Variants in NCAPG2 observed in about 807,000 individuals in gnomAD.
NCAPG2 encodes the protein condensin-2 complex subunit G2.
NCAPG2 carries 53 observed loss-of-function variants against 141.1 expected under a neutral mutation model. The observed-to-expected ratio is 0.38, with a 90% CI of 0.30 to 0.47. NCAPG2 has a LOEUF of 0.47. Among genes scored for constraint, NCAPG2 ranks in the 20% least tolerant of loss-of-function variants. NCAPG2 has a pLI of 0.99. For synonymous variants in NCAPG2, 499 were observed against 490.7 expected (o/e 1.02, Z -0.22); for missense variants, 1,087 against 1,389.0 (o/e 0.78, Z 3.46).
chr7:158,647,668 T>C (rs1320866269), intron 24 of NCAPG2, among the ~76,000 whole-genome samples: 2 of 152,052 alleles, frequency 1.3e-5, no homozygotes, highest in African/African-American at 2.4e-5. Context: ...TCTTAGGAGA[T>C]TTCATTTAGG....
chr7:158,703,828 T>C (rs1346617488), intron 1 of NCAPG2: 1 of 152,596 alleles, frequency 6.6e-6, no homozygotes, highest in Non-Finnish European at 1.5e-5. Flanking sequence ...GCAACAAGAG[T>C]TCAGGAGACT....
Position 158,645,516 on chromosome 7 carries a change from A to C in NCAPG2, c.3280+3T>G. 1 of 1,613,782 alleles carries C rather than the reference A, an allele frequency of 6.2e-7. No individual in the cohort carries two copies. The highest frequency in any genetic ancestry group is 8.5e-7 in the Non-Finnish European group (1 of 1,179,620). ...CCAGATGACAGAGGGGAATGTAACC[A>C]ACCTGCATTAATAACCAGGATAATA... On this transcript the variant is annotated splice_donor_region_variant and intron_variant, in intron 26 of 27. Transcript: ENST00000356309.
chr7:158,641,509 T>C, intron 27 of NCAPG2: 1 of 676,904 alleles, frequency 1.5e-6, no homozygotes, highest in Middle Eastern at 2.4e-4. Flanking sequence ...AGTCCAGGAG[T>C]CCAGGAGTTA....
intron 17 of NCAPG2, among the ~76,000 whole-genome samples, chr7:158,657,572 G>A (rs1052274865): frequency 6.6e-6 from 1 of 152,226 alleles, no homozygotes; most frequent in African/African-American, 2.4e-5. Context: ...CGTCCGGGAG[G>A]TGAGGGGTGC....
intron 2 of NCAPG2, among the ~76,000 whole-genome samples, chr7:158,698,490 A>G (rs1835591384): frequency 6.6e-6 from 1 of 152,204 alleles, no homozygotes; most frequent in Admixed American, 6.5e-5. Flanking sequence ...ATTGTGTTAC[A>G]ACACTGTGCC....
In NCAPG2 at chr7:158,692,826, A is replaced by G; in HGVS notation, c.382+16T>C. The G allele has an allele frequency of 7.2e-7, 1 of 1,397,974 alleles. No individual in the cohort carries two copies. Among genetic ancestry groups the G allele is most frequent in the Non-Finnish European group, 1.0e-6 (1 of 996,294 alleles). The allele number at this position is 1,397,974 out of a possible 1,614,324, so 86.6% of individuals were successfully genotyped here. A position where few individuals can be genotyped will look rare whatever the true frequency, so the allele number is the denominator to read the frequency against. ...ACCCACTTCTAAATATGCCATTTAT[A>G]ACAAAATCAACTCACCATTTAATAT... On this transcript the variant is annotated intron_variant, in intron 4 of 27. Transcript: ENST00000356309.
At position 158,692,700 on chromosome 7, in the gene NCAPG2, C is replaced by G. The variant is rs574267587; in HGVS notation, c.382+142G>C. The stretch of plus-strand genomic sequence containing the variant: ...AGGTTGCGGTGAGCTGAGATCGCGC[C>G]ATTGCACTCCTGCCTAGGCAACAAG... On this transcript the variant is annotated intron_variant, in intron 4 of 27. Coordinates refer to ENST00000356309, the MANE Select transcript of NCAPG2 (RefSeq NM_017760.7). The G allele has an allele frequency of 3.2e-3, 2,066 of 652,154 alleles. 3 individuals carry two copies. The highest frequency in any genetic ancestry group is 4.1e-3 in the Non-Finnish European group (1,521 of 373,144). 40.4% of individuals were successfully genotyped at this position (652,154 alleles called of 1,614,324 possible). A position where few individuals can be genotyped will look rare whatever the true frequency, so the allele number is the denominator to read the frequency against.
intron 26 of NCAPG2, 104 bp downstream of exon 26, chr7:158,645,415 T>C: frequency 1.1e-6 from 1 of 938,754 alleles, no homozygotes; most frequent in Admixed American, 1.9e-5. Flanking sequence ...ACACCTGAGC[T>C]GGCCAGGAGT....
intron 27 of NCAPG2, among the ~76,000 whole-genome samples, chr7:158,642,588 G>GAA (rs11419434): frequency 2.0e-5 from 3 of 151,066 alleles, no homozygotes; most frequent in Non-Finnish European, 4.4e-5. Context: ...AAGATAAATA[G>GAA]AAAAAAAAAG....
chr7:158,664,213 C>T lies in NCAPG2; in HGVS notation c.1786G>A (p.Glu596Lys). The change falls in exon 15 of 28, where the codon GAG becomes AAG. Residue 596 changes from glutamate to lysine, a missense_variant. Glu to Lys is a moderately conservative substitution (Grantham distance 56). Coordinates refer to ENST00000356309, the MANE Select transcript of NCAPG2 (RefSeq NM_017760.7). ...VREPPEDEEE[E>K]DGREKENVTV... The stretch of plus-strand genomic sequence containing the variant: ...ACATTCTCCTTCTCCCTTCCGTCCT[C>T]TTCCTCCTCGTCCTCTGGAGGCTCT... 6.2e-7 allele frequency: 1 copy of T among 1,613,198 alleles called. No individual in the cohort carries two copies. The highest frequency in any genetic ancestry group is 8.5e-7 in the Non-Finnish European group (1 of 1,179,072).
chr7:158,645,733 G>T, intron 25 of NCAPG2, 114 bp from the exon 26 acceptor site: 1 of 879,364 alleles, frequency 1.1e-6, no homozygotes, highest in Non-Finnish European at 1.8e-6. Context: ...TGCAGGGGAC[G>T]TGGGAAGGTG....
chr7:158,678,155 C>G (rs1172469087), intron 11 of NCAPG2, among the ~76,000 whole-genome samples: 2 of 151,104 alleles, frequency 1.3e-5, no homozygotes, highest in African/African-American at 4.9e-5. Context: ...TTAAGAAATA[C>G]CAATAAAGCA....
In NCAPG2 at chr7:158,680,681, A is replaced by AGTAC. The variant is rs752300630; in HGVS notation, c.1020+36_1020+39dup. 1.7e-5 allele frequency: 22 copies of AGTAC among 1,314,440 alleles called. No individual in the cohort carries two copies. The African/African-American group carries it at 2.9e-4, about 17-fold the overall frequency. The allele number at this position is 1,314,440 out of a possible 1,614,324, so 81.4% of individuals were successfully genotyped here. A position where few individuals can be genotyped will look rare whatever the true frequency, so the allele number is the denominator to read the frequency against. On this transcript the variant is annotated intron_variant, in intron 10 of 27. Coordinates refer to ENST00000356309, the MANE Select transcript of NCAPG2 (RefSeq NM_017760.7). ...GTTTGCTAAATTCAAAAGCACAAGT[A>AGTAC]GTACATTCCAAACACGGATAAACTA...
chr7:158,682,175 A>G (rs1834488387), intron 9 of NCAPG2, among the ~76,000 whole-genome samples: 2 of 152,218 alleles, frequency 1.3e-5, no homozygotes, highest in Admixed American at 1.3e-4. Context: ...AACATATGAA[A>G]ACATACATAG....
At chr7:158,663,713 G>A (rs539490075) in intron 15 of NCAPG2, among the ~76,000 whole-genome samples, 8 of 152,346 alleles carry the variant, frequency 5.3e-5, no homozygotes, top group East Asian at 1.9e-4. Flanking sequence ...TACTTTAGAC[G>A]TCCACAAGCA....
chr7:158,686,304 C>G (rs1454835919), intron 7 of NCAPG2, 63 bp from the exon 8 acceptor site: 1 of 958,992 alleles, frequency 1.0e-6, no homozygotes, highest in Non-Finnish European at 1.6e-6. Context: ...CAACATGTAT[C>G]ATTTCAGCTA....
chr7:158,675,835 T>C (rs1834016391), intron 11 of NCAPG2, among the ~76,000 whole-genome samples, 179 bp from the exon 12 acceptor site: 2 of 152,178 alleles, frequency 1.3e-5, no homozygotes, highest in Non-Finnish European at 2.9e-5. Context: ...AAGCAGAGTA[T>C]TTAAGATCAA....
At chr7:158,681,765 C>T (rs1429929739) in intron 9 of NCAPG2, among the ~76,000 whole-genome samples, 1 of 152,136 alleles carries the variant, frequency 6.6e-6, no homozygotes, top group Non-Finnish European at 1.5e-5. Flanking sequence ...TCACATGCCA[C>T]AAAATCTACT....
intron 17 of NCAPG2, among the ~76,000 whole-genome samples, chr7:158,657,897 G>C (rs907455568): frequency 2.0e-5 from 3 of 152,030 alleles, no homozygotes; most frequent in African/African-American, 7.2e-5. Flanking sequence ...TCCACTCAGA[G>C]TTAAATGGAT....
Sources: gnomAD v4.1 joint callset for allele counts (sites outside exome capture counted in the v4.1 genomes callset) on GRCh38, gnomAD v4.1.1 for gene constraint, MANE v1.5 for transcripts, NCBI Gene and HGNC (gene_info 2026-07-23, HGNC 2026-07-21) for gene names.